Variants in TLL2 observed in about 807,000 individuals in gnomAD.
TLL2 encodes the protein tolloid like 2, also known as tolloid-like protein 2.
TLL2 carries 106 observed loss-of-function variants against 123.0 expected under a neutral mutation model. That is an observed-to-expected ratio of 0.86 (90% CI 0.74 to 1.01). TLL2 has a LOEUF of 1.01. Ranked by LOEUF, TLL2 falls within the 50% of genes least tolerant of loss-of-function variation. The pLI is 0.00. For synonymous variants in TLL2, 494 were observed against 516.8 expected, an observed-to-expected ratio of 0.96 and a Z score of 0.60; for missense variants, 1,332 against 1,336.7, an observed-to-expected ratio of 1.00 and a Z score of 0.06.
chr10:96,468,512 T>C (rs1186046257), intron 2 of TLL2, among the ~76,000 whole-genome samples: 1 of 152,222 alleles, frequency 6.6e-6, no homozygotes, highest in East Asian at 1.9e-4. Context: ...CCTCTGTTCT[T>C]ATAGGGCCAC....
rs2134057946 is a variant in TLL2, at chr10:96,386,039, G to C, written c.2013+16C>G. On this transcript the variant is annotated intron_variant, in intron 15 of 20. Coordinates refer to ENST00000357947, the MANE Select transcript of TLL2 (RefSeq NM_012465.4). ...CCTCAATACAGTCCCCAATCAATTAGAGCATGGAGACATACGTCATTGCCT... is the reference window on the plus strand; with the variant it reads ...CCTCAATACAGTCCCCAATCAATTACAGCATGGAGACATACGTCATTGCCT... 6.4e-7 allele frequency: 1 copy of C among 1,572,644 alleles called. No homozygotes were observed. Among genetic ancestry groups the C allele is most frequent in the Non-Finnish European group, 8.6e-7 (1 of 1,158,800 alleles).
intron 3 of TLL2, among the ~76,000 whole-genome samples, 195 bp from the exon 4 acceptor site, chr10:96,433,157 C>T (rs1369289438): frequency 1.3e-5 from 2 of 152,002 alleles, no homozygotes; most frequent in Non-Finnish European, 1.5e-5. Context: ...GTAAATGTAC[C>T]GGGCTATGAT....
At chr10:96,375,941 T>C (rs531105150) in intron 18 of TLL2, among the ~76,000 whole-genome samples, 1 of 152,310 alleles carries the variant, frequency 6.6e-6, no homozygotes, top group Admixed American at 6.5e-5. Context: ...GGGTTCTTTA[T>C]TCTCCAAAGT....
intron 1 of TLL2, among the ~76,000 whole-genome samples, chr10:96,483,689 G>C (rs758295873): frequency 1.3e-5 from 2 of 152,154 alleles, no homozygotes; most frequent in Non-Finnish European, 2.9e-5. Context: ...TAAGTATGTT[G>C]TATATACGGG....
intron 18 of TLL2, among the ~76,000 whole-genome samples, chr10:96,374,838 T>C (rs1471247480): frequency 6.6e-6 from 1 of 152,084 alleles, no homozygotes; most frequent in Non-Finnish European, 1.5e-5. Flanking sequence ...GCTTCTCAGA[T>C]GCTGGGTAGG....
chr10:96,500,103 TAA>T (rs58735775), intron 1 of TLL2, among the ~76,000 whole-genome samples: 6 of 75,476 alleles, frequency 7.9e-5, no homozygotes, highest in East Asian at 4.6e-4. Context: ...CAACATGATT[TAA>T]AAAAAAAAAA....
intron 1 of TLL2, among the ~76,000 whole-genome samples, chr10:96,486,521 G>C (rs758973493): frequency 3.3e-5 from 5 of 152,218 alleles, no homozygotes; most frequent in African/African-American, 4.8e-5. Context: ...ATCGAAGAAG[G>C]CTGCTCTATA....
At chr10:96,431,864 A>G (rs1846745046) in intron 4 of TLL2, among the ~76,000 whole-genome samples, 1 of 152,206 alleles carries the variant, frequency 6.6e-6, no homozygotes, top group Non-Finnish European at 1.5e-5. Flanking sequence ...AGAAGAAGAC[A>G]GCCATGCAAA....
intron 3 of TLL2, among the ~76,000 whole-genome samples, chr10:96,438,308 A>G (rs934071460): frequency 1.3e-5 from 2 of 152,208 alleles, no homozygotes; most frequent in African/African-American, 2.4e-5. Context: ...TTTAATTTTC[A>G]TCACACAAAT....
rs976663824 is a variant in TLL2 at position 96,405,240 on chromosome 10, G to A, written c.1259C>T (p.Pro420Leu). Residue 420 changes from proline (P) to leucine (L), a missense_variant, in exon 10 of 21, where the codon CCC (proline) becomes CTC (leucine). Coordinates refer to ENST00000357947, the MANE Select transcript of TLL2 (RefSeq NM_012465.4). ...GTCTAAAGTCAACTTACCCAAAAGG[G>A]GGGCTTTTCTCCAGTAACCATCCCG... The part of the protein sequence containing the change: ...EVRDGYWRKA[P>L]LLGRFCGDKI... The A allele has an allele frequency of 6.2e-7, 1 of 1,614,068 alleles. No individual in the cohort carries two copies. Among genetic ancestry groups the A allele is most frequent in the Non-Finnish European group, 8.5e-7 (1 of 1,179,988 alleles).
chr10:96,498,230 A>G (rs945340643), intron 1 of TLL2, among the ~76,000 whole-genome samples: 2 of 152,202 alleles, frequency 1.3e-5, no homozygotes, highest in African/African-American at 2.4e-5. Context: ...AAGACACGCT[A>G]GGCGGAGAGG....
chr10:96,389,162 T>A (rs1488530631), intron 13 of TLL2, among the ~76,000 whole-genome samples: 1 of 152,222 alleles, frequency 6.6e-6, no homozygotes, highest in Non-Finnish European at 1.5e-5. Context: ...GGGTGGATCC[T>A]CCAGCCGATC....
chr10:96,404,947 CA>C (rs1300810045), intron 10 of TLL2, among the ~76,000 whole-genome samples: 1 of 152,130 alleles, frequency 6.6e-6, no homozygotes, highest in Non-Finnish European at 1.5e-5. Flanking sequence ...AAATTGCTTG[CA>C]ATTTTTCCTG....
intron 2 of TLL2, among the ~76,000 whole-genome samples, chr10:96,460,836 G>A (rs538975867): frequency 6.6e-6 from 1 of 152,260 alleles, no homozygotes; most frequent in East Asian, 1.9e-4. Flanking sequence ...AGACCCCAGA[G>A]AACTCTCTCA....
chr10:96,368,878 A>T (rs1846052561), intron 20 of TLL2, among the ~76,000 whole-genome samples: 1 of 150,954 alleles, frequency 6.6e-6, no homozygotes, highest in South Asian at 2.1e-4. Context: ...TGCTCAGTTA[A>T]CCCCTCCAAG....
intron 1 of TLL2, among the ~76,000 whole-genome samples, chr10:96,497,799 G>C (rs1564919714): frequency 6.6e-6 from 1 of 152,198 alleles, no homozygotes; most frequent in South Asian, 2.1e-4. Flanking sequence ...TTCCTGCTGG[G>C]ACTCTGACTT....
chr10:96,414,107 C>T (rs995221976), intron 7 of TLL2, among the ~76,000 whole-genome samples: 8 of 152,144 alleles, frequency 5.3e-5, no homozygotes, highest in African/African-American at 1.4e-4. Flanking sequence ...GCCAGCTGAG[C>T]GCTGGCCCTG....
At chr10:96,467,502 G>A (rs561887990) in intron 2 of TLL2, among the ~76,000 whole-genome samples, 8 of 152,246 alleles carry the variant, frequency 5.3e-5, no homozygotes, top group African/African-American at 1.7e-4. Flanking sequence ...CAAAGTGCTG[G>A]GATTACAGCT....
At chr10:96,476,240 A>ATATATATATATATAT in intron 2 of TLL2, among the ~76,000 whole-genome samples, 7 of 20,488 alleles carry the variant, frequency 3.4e-4, no homozygotes, top group Admixed American at 5.2e-4. Context: ...ATATATATAT[A>ATATATATATATATAT]TTTTATTTTT....
Sources: allele counts gnomAD v4.1 joint callset (sites outside exome capture counted in the v4.1 genomes callset), GRCh38; gene constraint gnomAD v4.1.1; transcripts MANE v1.5; gene names NCBI Gene and HGNC (gene_info 2026-07-23, HGNC 2026-07-21).